The following ATP2B2 variants were observed in gnomAD, a reference collection of about 807,000 sequenced individuals.
The protein encoded by ATP2B2 is ATPase plasma membrane Ca2+ transporting 2.
In ATP2B2, 15 loss-of-function variants were observed where a neutral mutation model predicts 120.0. That is an observed-to-expected ratio of 0.12 (90% CI 0.08 to 0.19). The LOEUF is 0.19. Ranked by LOEUF, ATP2B2 falls within the 10% of genes least tolerant of loss-of-function variation. ATP2B2 has a pLI of 1.00. For synonymous variants in ATP2B2, 694 were observed against 700.3 expected, an observed-to-expected ratio of 0.99 and a Z score of 0.14; for missense variants, 1,045 against 1,719.8, an observed-to-expected ratio of 0.61 and a Z score of 6.94.
intron 1 of ATP2B2, among the ~76,000 whole-genome samples, chr3:10,492,438 G>A (rs1402524015): frequency 1.3e-5 from 2 of 152,110 alleles, no homozygotes; most frequent in East Asian, 1.9e-4. Context: ...TCCAAAGAAC[G>A]GGACAGCTGA....
intron 2 of ATP2B2, among the ~76,000 whole-genome samples, chr3:10,574,530 C>T (rs976490908): frequency 1.3e-5 from 2 of 152,152 alleles, no homozygotes; most frequent in African/African-American, 4.8e-5. Flanking sequence ...CCATCTCATC[C>T]TTTTAACAAG....
At chr3:10,529,598 A>G (rs527431022) in intron 3 of ATP2B2, among the ~76,000 whole-genome samples, 5 of 152,352 alleles carry the variant, frequency 3.3e-5, no homozygotes, top group African/African-American at 1.2e-4. Flanking sequence ...GGGAACTTAA[A>G]TATCATGAAA....
At chr3:10,684,702 C>T (rs950174633) in intron 1 of ATP2B2, among the ~76,000 whole-genome samples, 7 of 152,166 alleles carry the variant, frequency 4.6e-5, no homozygotes, top group Non-Finnish European at 1.0e-4. Flanking sequence ...CCAATATGTC[C>T]GGATCAAGGT....
intron 3 of ATP2B2, among the ~76,000 whole-genome samples, chr3:10,524,153 TG>T (rs1474365534): frequency 1.3e-5 from 2 of 152,072 alleles, no homozygotes; most frequent in Non-Finnish European, 2.9e-5. Flanking sequence ...GGGCACTTTC[TG>T]CCCTGGACCC....
intron 1 of ATP2B2, among the ~76,000 whole-genome samples, chr3:10,694,017 A>G (rs183564753): frequency 5.4e-4 from 82 of 152,336 alleles, no homozygotes; most frequent in African/African-American, 1.9e-3. Context: ...AGGAAGTTGC[A>G]AGGAAATGTA....
chr3:10,428,592 G>A (rs1285940563), intron 2 of ATP2B2, among the ~76,000 whole-genome samples: 1 of 152,176 alleles, frequency 6.6e-6, no homozygotes, highest in Admixed American at 6.5e-5. Flanking sequence ...CATCTCCGCA[G>A]CCACTTGAAA....
intron 2 of ATP2B2, among the ~76,000 whole-genome samples, chr3:10,420,268 G>C (rs2062928820): frequency 6.6e-6 from 1 of 152,238 alleles, no homozygotes; most frequent in African/African-American, 2.4e-5. Context: ...GCAATGAAAT[G>C]GGACAGCGGA....
chr3:10,369,887 A>G (rs993120072), intron 12 of ATP2B2, among the ~76,000 whole-genome samples: 1 of 152,328 alleles, frequency 6.6e-6, no homozygotes, highest in Admixed American at 6.5e-5. Flanking sequence ...AGCTCCCAGC[A>G]AAGAGAATAA....
chr3:10,699,286 T>TC (rs879915876), intron 1 of ATP2B2, among the ~76,000 whole-genome samples: 8 of 152,208 alleles, frequency 5.3e-5, no homozygotes, highest in Non-Finnish European at 1.0e-4. Flanking sequence ...CACAGTGTTG[T>TC]CTATAATAGC....
At chr3:10,523,855 AAT>A (rs1296568669) in intron 3 of ATP2B2, among the ~76,000 whole-genome samples, 48 of 152,054 alleles carry the variant, frequency 3.2e-4, no homozygotes, top group African/African-American at 1.1e-3. Context: ...AAAAAAAAAA[AAT>A]AAAAGAAAGT....
chr3:10,621,438 T>C (rs1268571337), intron 1 of ATP2B2, among the ~76,000 whole-genome samples: 4 of 152,220 alleles, frequency 2.6e-5, no homozygotes, highest in Non-Finnish European at 5.9e-5. Context: ...GCAGGGTTTC[T>C]TGGAACCTGG....
chr3:10,335,411 G>A (rs554947860), intron 22 of ATP2B2, among the ~76,000 whole-genome samples: 5 of 152,308 alleles, frequency 3.3e-5, no homozygotes, highest in South Asian at 4.1e-4. Context: ...GACAGGAAGC[G>A]GGCAGAGACT....
intron 5 of ATP2B2, among the ~76,000 whole-genome samples, chr3:10,400,737 C>T (rs1429122868): frequency 1.3e-5 from 2 of 152,346 alleles, no homozygotes; most frequent in Non-Finnish European, 1.5e-5. Flanking sequence ...TTTTATTCGC[C>T]GCAGTCTCCC....
intron 2 of ATP2B2, among the ~76,000 whole-genome samples, chr3:10,594,067 A>G (rs1483081227): frequency 6.6e-6 from 1 of 152,236 alleles, no homozygotes; most frequent in Non-Finnish European, 1.5e-5. Context: ...TCAGGAAACA[A>G]CAGATGCTGG....
intron 2 of ATP2B2, among the ~76,000 whole-genome samples, chr3:10,448,499 G>A (rs188973510): frequency 5.3e-5 from 8 of 152,226 alleles, no homozygotes; most frequent in African/African-American, 1.9e-4. Context: ...ACCCAAGCTG[G>A]GCTGACTTCC....
At chr3:10,602,549 C>T (rs2068952558) in intron 2 of ATP2B2, among the ~76,000 whole-genome samples, 3 of 152,278 alleles carry the variant, frequency 2.0e-5, no homozygotes, top group African/African-American at 4.8e-5. Flanking sequence ...GCAGCGGCAG[C>T]GAGGTGGAAT....
intron 2 of ATP2B2, among the ~76,000 whole-genome samples, chr3:10,436,282 A>G (rs929464529): frequency 2.0e-5 from 3 of 152,208 alleles, no homozygotes; most frequent in African/African-American, 7.2e-5. Context: ...CCTCCTAATT[A>G]TTTTACTACA....
chr3:10,633,246 T>C (rs2069920237), intron 1 of ATP2B2, among the ~76,000 whole-genome samples: 1 of 152,154 alleles, frequency 6.6e-6, no homozygotes, highest in Admixed American at 6.5e-5. Flanking sequence ...GTTAAATGAG[T>C]TAACACATAT....
chr3:10,463,981 G>C (rs2064616489), intron 1 of ATP2B2, among the ~76,000 whole-genome samples: 1 of 152,070 alleles, frequency 6.6e-6, no homozygotes. Flanking sequence ...CCTGGCCCCA[G>C]AGCTGCCCCA....
Sources: allele counts gnomAD v4.1 joint callset (sites outside exome capture counted in the v4.1 genomes callset), GRCh38; gene constraint gnomAD v4.1.1; transcripts MANE v1.5; gene names NCBI Gene and HGNC (gene_info 2026-07-23, HGNC 2026-07-21).